Variants in ANGPT1 observed in about 807,000 individuals in gnomAD.
ANGPT1 encodes angiopoietin-1.
ANGPT1 carries 17 observed loss-of-function variants against 62.2 expected under a neutral mutation model. The ratio of observed to expected loss-of-function variants is 0.27; its 90% CI spans 0.19 to 0.41. ANGPT1 has a LOEUF of 0.41. Ranked by LOEUF, ANGPT1 falls within the 10% of genes least tolerant of loss-of-function variation. The pLI is 1.00. For missense variants in ANGPT1, 478 were observed against 594.9 expected (o/e 0.80, Z 2.04); for synonymous variants, 199 against 198.9 (o/e 1.00, Z 0.00).
intron 6 of ANGPT1, among the ~76,000 whole-genome samples, chr8:107,286,383 G>A (rs1019086172): frequency 2.0e-5 from 3 of 151,776 alleles, no homozygotes; most frequent in African/African-American, 7.3e-5. Context: ...TAAAAGACTG[G>A]GAAAAATTTT....
chr8:107,353,541 T>C (rs1042297848), intron 1 of ANGPT1, among the ~76,000 whole-genome samples: 1 of 152,188 alleles, frequency 6.6e-6, no homozygotes, highest in Non-Finnish European at 1.5e-5. Context: ...TTTGCTGGAC[T>C]CTGTTCTTGC....
chr8:107,315,101 A>T lies in ANGPT1; in HGVS notation c.808+6795T>A, dbSNP rs142554326. On this transcript the variant is annotated intron_variant, in intron 4 of 8. Transcript: ENST00000517746. ...TTTCCCCCTTTAAGAAGACTAGAGGACCCATAATAATGATCAAATGTTCCA... is the reference window on the plus strand; with the variant it reads ...TTTCCCCCTTTAAGAAGACTAGAGGTCCCATAATAATGATCAAATGTTCCA... 5.3e-5 allele frequency among the ~76,000 whole-genome samples: 8 copies of T among 152,276 alleles called. No individual in the cohort carries two copies. The East Asian group carries it at 1.5e-3, about 29-fold the overall frequency.
chr8:107,410,760 A>G (rs1338258701), intron 1 of ANGPT1, among the ~76,000 whole-genome samples: 1 of 152,228 alleles, frequency 6.6e-6, no homozygotes. Flanking sequence ...ATATATGGTC[A>G]GCATAAAATA....
chr8:107,274,565 T>C (rs144027975), intron 7 of ANGPT1, among the ~76,000 whole-genome samples: 1 of 152,140 alleles, frequency 6.6e-6, no homozygotes, highest in Non-Finnish European at 1.5e-5. Flanking sequence ...TAGAGTTTAA[T>C]AGTTCTAGAA....
In ANGPT1 at chr8:107,497,828, CTG is replaced by C; in HGVS notation, c.-272_-271del. The C allele has an allele frequency of 3.6e-6, 2 of 563,132 alleles. No homozygotes were observed. Among genetic ancestry groups the C allele is most frequent in the Non-Finnish European group, 6.2e-6 (2 of 322,014 alleles). 34.9% of individuals were successfully genotyped at this position (563,132 alleles called of 1,614,324 possible). On this transcript the variant is annotated 5_prime_UTR_variant, in exon 1 of 9. An upstream open reading frame in the 5' UTR loses its in-frame stop. Transcript: ENST00000517746. ...GTAGCTGAGATTTATTGTTTCCTCT[CTG>C]TGTGACCGTTCAGCATGGAGCCTGC...
chr8:107,293,197 GTGATGATGA>G lies in ANGPT1; in HGVS notation c.1038+730_1038+738del, dbSNP rs5893837. 2.0e-3 allele frequency among the ~76,000 whole-genome samples: 302 copies of G among 148,776 alleles called. 2 individuals are homozygous for G. Among genetic ancestry groups the G allele is most frequent in the African/African-American group, 5.2e-3 (208 of 40,314 alleles). On this transcript the variant is annotated intron_variant, in intron 6 of 8. Coordinates refer to ENST00000517746, the MANE Select transcript of ANGPT1 (RefSeq NM_001146.5). ...TTGAGCATTAAAAAAGAGAAGAACT[GTGATGATGA>G]TGATGATGATGATGATGATGATGAT...
chr8:107,376,861 G>C (rs879551740), intron 1 of ANGPT1, among the ~76,000 whole-genome samples: 1 of 152,142 alleles, frequency 6.6e-6, no homozygotes, highest in Non-Finnish European at 1.5e-5. Context: ...GTGTGTCTGG[G>C]AAACAGAGTA....
chr8:107,370,215 G>A (rs1816359084), intron 1 of ANGPT1, among the ~76,000 whole-genome samples: 1 of 133,440 alleles, frequency 7.5e-6, no homozygotes, highest in African/African-American at 2.8e-5. Context: ...AAGAAAGAAA[G>A]AAAGGAGAAA....
chr8:107,343,302 A>AGACC (rs1475703969), intron 2 of ANGPT1, among the ~76,000 whole-genome samples: 5 of 152,174 alleles, frequency 3.3e-5, no homozygotes, highest in Admixed American at 2.0e-4. Context: ...GAGAGGCTTC[A>AGACC]GACCGGGATG....
chr8:107,260,004 T>A (rs917507282), intron 8 of ANGPT1, among the ~76,000 whole-genome samples: 1 of 152,172 alleles, frequency 6.6e-6, no homozygotes, highest in African/African-American at 2.4e-5. Context: ...TAGATAAAAC[T>A]ATTTCTTTTA....
chr8:107,252,827 T>C (rs1813276100), intron 8 of ANGPT1, among the ~76,000 whole-genome samples: 1 of 152,238 alleles, frequency 6.6e-6, no homozygotes, highest in Non-Finnish European at 1.5e-5. Flanking sequence ...AGATAAAGCA[T>C]AGTGTTTTTT....
chr8:107,319,936 A>G (rs1815111477), intron 4 of ANGPT1, among the ~76,000 whole-genome samples: 1 of 152,176 alleles, frequency 6.6e-6, no homozygotes, highest in Admixed American at 6.5e-5. Flanking sequence ...AAATTAGGCA[A>G]TCACCTTAAA....
chr8:107,346,783 C>G (rs995408213), intron 2 of ANGPT1, among the ~76,000 whole-genome samples, 159 bp downstream of exon 2: 3 of 152,070 alleles, frequency 2.0e-5, no homozygotes, highest in African/African-American at 7.2e-5. Flanking sequence ...AAAAAAAACA[C>G]GCATAGCATG....
At chr8:107,434,191 G>A (rs1811276495) in intron 1 of ANGPT1, among the ~76,000 whole-genome samples, 1 of 152,168 alleles carries the variant, frequency 6.6e-6, no homozygotes, top group Non-Finnish European at 1.5e-5. Flanking sequence ...TTCCCACAGG[G>A]AGGGAACAGT....
At chr8:107,337,875 G>T (rs1320043859) in intron 2 of ANGPT1, among the ~76,000 whole-genome samples, 1 of 152,068 alleles carries the variant, frequency 6.6e-6, no homozygotes, top group African/African-American at 2.4e-5. Flanking sequence ...CAGGTGGCTT[G>T]CTTGAGCTCA....
At chr8:107,311,015 ATGTGAGTGTG>A (rs1443829777) in intron 4 of ANGPT1, among the ~76,000 whole-genome samples, 6 of 149,964 alleles carry the variant, frequency 4.0e-5, no homozygotes, top group South Asian at 2.1e-4. Context: ...GTGTGTATGT[ATGTGAGTGTG>A]TGTGAGTGTG....
At chr8:107,370,296 GAAGAAAGAAA>G (rs1816363225) in intron 1 of ANGPT1, among the ~76,000 whole-genome samples, 1 of 78,046 alleles carries the variant, frequency 1.3e-5, no homozygotes, top group Non-Finnish European at 2.7e-5. Flanking sequence ...GAAAAGGAAA[GAAGAAAGAAA>G]GAAGGAAGGA....
At chr8:107,317,887 TC>T (rs1022974215) in intron 4 of ANGPT1, among the ~76,000 whole-genome samples, 2 of 152,174 alleles carry the variant, frequency 1.3e-5, no homozygotes, top group African/African-American at 4.8e-5. Context: ...CACTTTGGCC[TC>T]CCAAAGTTCT....
chr8:107,454,538 C>T (rs1358183346), intron 1 of ANGPT1, among the ~76,000 whole-genome samples: 1 of 152,042 alleles, frequency 6.6e-6, no homozygotes, highest in Non-Finnish European at 1.5e-5. Context: ...CTATACATGT[C>T]TTCCTACATG....
Sources: gnomAD v4.1 joint callset for allele counts (sites outside exome capture counted in the v4.1 genomes callset) on GRCh38, gnomAD v4.1.1 for gene constraint, MANE v1.5 for transcripts, NCBI Gene and HGNC (gene_info 2026-07-23, HGNC 2026-07-21) for gene names.